PKD1L1: variants seen among roughly 807,000 people sequenced by gnomAD.
PKD1L1 encodes the protein polycystin 1 like 1, transient receptor potential channel interacting, also known as polycystin-1-like protein 1.
PKD1L1 carries 236 observed loss-of-function variants against 323.4 expected under a neutral mutation model. The observed-to-expected ratio is 0.73, with a 90% CI of 0.66 to 0.81. The LOEUF (loss-of-function observed/expected upper bound fraction) is 0.81. PKD1L1 is among the 40% of genes least tolerant of loss of function. PKD1L1 has a pLI of 0.00. For synonymous variants in PKD1L1, 1,344 were observed against 1,335.0 expected (o/e 1.01, Z -0.15); for missense variants, 3,320 against 3,508.0 (o/e 0.95, Z 1.35).
rs377344231 is a variant in PKD1L1, at chr7:47,886,066, G to T, written c.2837-12C>A. The T allele has an allele frequency of 1.3e-6, 2 of 1,588,834 alleles. No individual in the cohort carries two copies. The highest frequency in any genetic ancestry group is 1.7e-6 in the Non-Finnish European group (2 of 1,168,116). On this transcript the variant is annotated splice_polypyrimidine_tract_variant and intron_variant, in intron 17 of 56. Transcript: ENST00000289672. ...TCTGCAGAAGGGAACTTAAGCAAAC[G>T]TTTGGCAGTGTTAGAATTTTGCAGC...
chr7:47,922,751 G>C (rs1787576914), intron 7 of PKD1L1, among the ~76,000 whole-genome samples: 1 of 151,738 alleles, frequency 6.6e-6, no homozygotes, highest in African/African-American at 2.4e-5. Flanking sequence ...CGTTGGGGAG[G>C]TGGGGGGCAG....
chr7:47,807,217 C>G (rs998041075), intron 52 of PKD1L1, among the ~76,000 whole-genome samples: 1 of 151,990 alleles, frequency 6.6e-6, no homozygotes, highest in African/African-American at 2.4e-5. Flanking sequence ...TCCTTTAGAA[C>G]CTGTTTCTTT....
intron 13 of PKD1L1, among the ~76,000 whole-genome samples, chr7:47,901,791 G>A (rs562167786): frequency 1.3e-5 from 2 of 152,276 alleles, no homozygotes; most frequent in South Asian, 2.1e-4. Context: ...GCTTAGTCAC[G>A]GATTTTAATT....
intron 7 of PKD1L1, among the ~76,000 whole-genome samples, chr7:47,928,506 G>A (rs1289184488): frequency 6.6e-6 from 1 of 152,148 alleles, no homozygotes; most frequent in Non-Finnish European, 1.5e-5. Flanking sequence ...GGAGGTGGAG[G>A]TTGCAGTGAG....
chr7:47,825,116 G>C (rs1201426313), intron 45 of PKD1L1, among the ~76,000 whole-genome samples: 1 of 152,136 alleles, frequency 6.6e-6, no homozygotes, highest in African/African-American at 2.4e-5. Flanking sequence ...CACATTTTTG[G>C]ATTTTCACAG....
intron 18 of PKD1L1, among the ~76,000 whole-genome samples, chr7:47,885,058 A>G (rs957981218): frequency 6.6e-6 from 1 of 152,186 alleles, no homozygotes; most frequent in Non-Finnish European, 1.5e-5. Context: ...TGGACACAAG[A>G]ATGCCCTGCT....
At chr7:47,896,495 A>G (rs1236241758) in intron 14 of PKD1L1, among the ~76,000 whole-genome samples, 1 of 152,022 alleles carries the variant, frequency 6.6e-6, no homozygotes, top group Non-Finnish European at 1.5e-5. Flanking sequence ...CCATTTTTTA[A>G]GTATTTTCTG....
the PKD1L1 span, among the ~76,000 whole-genome samples, chr7:47,955,721 A>G: frequency 2.0e-5 from 3 of 152,318 alleles, no homozygotes; most frequent in South Asian, 2.1e-4. Flanking sequence ...GTAAATTCCT[A>G]TAAGTATTGA....
chr7:47,955,765 A>G, the PKD1L1 span, among the ~76,000 whole-genome samples: 1 of 152,272 alleles, frequency 6.6e-6, no homozygotes, highest in Non-Finnish European at 1.5e-5. Flanking sequence ...CAGGCATTAC[A>G]TATAAAATAA....
At chr7:47,897,917 A>T in intron 14 of PKD1L1, 71 bp downstream of exon 14, 1 of 1,269,994 alleles carries the variant, frequency 7.9e-7, no homozygotes, top group Non-Finnish European at 1.1e-6. Context: ...CCAAATGCTG[A>T]GCTCTTGCTC....
At chr7:47,959,382 C>T in the PKD1L1 span, among the ~76,000 whole-genome samples, 17 of 149,576 alleles carry the variant, frequency 1.1e-4, no homozygotes, top group African/African-American at 3.9e-4. Context: ...GTGAGGAGCG[C>T]CTCTTCCCGG....
At position 47,815,423 on chromosome 7, in the gene PKD1L1, T is replaced by A; in HGVS notation, c.7000A>T (p.Ile2334Phe). Reference sequence around the variant, plus strand: ...AGACTCCAGTCCCACCAGTCAGCGATGTTTCTCAGGCCACCCAAGCAGTTT... The same window carrying A: ...AGACTCCAGTCCCACCAGTCAGCGAAGTTTCTCAGGCCACCCAAGCAGTTT... ...ARNCLGGLRNIADWWDWSLTT... is the reference protein window; with the variant it reads ...ARNCLGGLRNFADWWDWSLTT... The change falls in exon 47 of 57, where the codon ATC becomes TTC. Residue 2334 changes from isoleucine to phenylalanine, a missense_variant. Ile to Phe is a conservative substitution (Grantham distance 21). Coordinates refer to ENST00000289672, the MANE Select transcript of PKD1L1 (RefSeq NM_138295.5). The A allele has an allele frequency of 4.3e-6, 7 of 1,614,134 alleles. No individual in the cohort carries two copies. The highest frequency in any genetic ancestry group is 5.9e-6 in the Non-Finnish European group (7 of 1,179,990).
At chr7:47,949,910 A>C (rs555496769), upstream of PKD1L1, among the ~76,000 whole-genome samples, 7 of 152,178 alleles carry the variant, frequency 4.6e-5, no homozygotes, top group Non-Finnish European at 1.0e-4. Context: ...CCTGCTGTTG[A>C]CCTAACACAC....
rs373244254 is a variant in PKD1L1, at chr7:47,931,239, G to C, written c.602C>G (p.Ala201Gly). 6.2e-6 allele frequency: 10 copies of C among 1,614,112 alleles called. No homozygotes were observed. The highest frequency in any genetic ancestry group is 7.6e-6 in the Non-Finnish European group (9 of 1,180,040). ...SCCVLRLLCC[A>G]EDVATGLLPG... ...AAGCAGCCCCGTGGCCACATCCTCC[G>C]CACAGCACAGCAGTCTCAGGACACA... Residue 201 changes from alanine to glycine, a missense_variant, in exon 6 of 57, where the codon GCG becomes GGG. Coordinates refer to ENST00000289672, the MANE Select transcript of PKD1L1 (RefSeq NM_138295.5).
chr7:47,906,450 C>A (rs1787209204), intron 9 of PKD1L1, among the ~76,000 whole-genome samples: 1 of 152,110 alleles, frequency 6.6e-6, no homozygotes, highest in African/African-American at 2.4e-5. Flanking sequence ...ATACCATATA[C>A]ACACCATACA....
chr7:47,829,969 C>T (rs151113683), intron 43 of PKD1L1, 71 bp downstream of exon 43: 2 of 1,396,212 alleles, frequency 1.4e-6, no homozygotes, highest in South Asian at 2.4e-5. Context: ...CAAAATGAAG[C>T]CTCTATTTCC....
chr7:47,871,719 T>C (rs1786283434), intron 24 of PKD1L1, among the ~76,000 whole-genome samples: 1 of 152,124 alleles, frequency 6.6e-6, no homozygotes, highest in Non-Finnish European at 1.5e-5. Flanking sequence ...CAAAATCCAA[T>C]ACGTTTTTAT....
In PKD1L1 at chr7:47,870,731, G is replaced by A. The variant is rs142535015; in HGVS notation, c.3896+3168C>T. ...AATGCAAAGGAAGCTAGGTGTGGCG[G>A]CACACACTTGTTATCCCAGCACTTT... On this transcript the variant is annotated intron_variant, in intron 24 of 56. Coordinates refer to ENST00000289672, the MANE Select transcript of PKD1L1 (RefSeq NM_138295.5). Among the ~76,000 whole-genome samples, 136 of 152,260 alleles carry A rather than the reference G, an allele frequency of 8.9e-4. 2 individuals carry two copies. The East Asian group carries it at 0.021, about 24-fold the overall frequency.
At chr7:47,938,208 G>A (rs1485240647) in intron 3 of PKD1L1, among the ~76,000 whole-genome samples, 3 of 152,164 alleles carry the variant, frequency 2.0e-5, no homozygotes, top group Non-Finnish European at 4.4e-5. Flanking sequence ...CCTGTGCTGT[G>A]GGCCTTTTAC....
Sources: allele counts gnomAD v4.1 joint callset (sites outside exome capture counted in the v4.1 genomes callset), GRCh38; gene constraint gnomAD v4.1.1; transcripts MANE v1.5; gene names NCBI Gene and HGNC (gene_info 2026-07-23, HGNC 2026-07-21).